ADD2: variants seen among roughly 807,000 people sequenced by gnomAD.
ADD2 encodes beta-adducin.
Under a neutral mutation model 83.0 loss-of-function variants are expected in ADD2, and 23 were observed. That is an observed-to-expected ratio of 0.28 (90% CI 0.20 to 0.39). The LOEUF (loss-of-function observed/expected upper bound fraction) is 0.39. ADD2 is among the 10% of genes least tolerant of loss of function. ADD2 has a pLI of 1.00. For missense variants in ADD2, 758 were observed against 944.9 expected, an observed-to-expected ratio of 0.80 and a Z score of 2.59; for synonymous variants, 375 against 375.4, an observed-to-expected ratio of 1.00 and a Z score of 0.01.
Position 70,706,097 on chromosome 2 carries a change from G to T in ADD2, c.183+129C>A. ...GGCCCCAGGTGACCAGATCCGTCTT[G>T]CTCAGTGGGCTTACATTTCTACTGA... is the stretch of plus-strand genomic sequence containing the variant. On this transcript the variant is annotated intron_variant, in intron 3 of 15. Coordinates refer to ENST00000264436, the MANE Select transcript of ADD2 (RefSeq NM_001617.4). This position sits in a 1 kb window ranked among gnomAD's most constrained non-coding sequence, Gnocchi z 5.0. 1 of 963,378 alleles carries T rather than the reference G, an allele frequency of 1.0e-6. No homozygotes were observed. Among genetic ancestry groups the T allele is most frequent in the Non-Finnish European group, 1.5e-6 (1 of 653,478 alleles). 59.7% of individuals were successfully genotyped at this position (963,378 alleles called of 1,614,324 possible).
Position 70,660,964 on chromosome 2 carries a change from T to G in ADD2, c.*2461A>C, listed in dbSNP as rs1285863680. On this transcript the variant is annotated 3_prime_UTR_variant, in exon 16 of 16. Coordinates refer to ENST00000264436, the MANE Select transcript of ADD2 (RefSeq NM_001617.4). ...AGGGCAGGAACTATGCCTATCCTCA[T>G]GCCTGGCCCTTGACCCAAGCTCAAT... The G allele has an allele frequency of 6.6e-6, 1 of 152,228 alleles. No homozygotes were observed. Among genetic ancestry groups the G allele is most frequent in the Non-Finnish European group, 1.5e-5 (1 of 68,048 alleles). 9.4% of individuals were successfully genotyped at this position (152,228 alleles called of 1,614,324 possible).
Position 70,660,075 on chromosome 2 carries a change from A to T in ADD2, c.*3350T>A, listed in dbSNP as rs1675488903. On this transcript the variant is annotated 3_prime_UTR_variant, in exon 16 of 16. Coordinates refer to ENST00000264436, the MANE Select transcript of ADD2 (RefSeq NM_001617.4). ...GCCAACTTTTATCCACAGCCAAAGA[A>T]AATGGCCTTTCCTTTCTAATAGCCT... 3 of 152,206 alleles carry T rather than the reference A, an allele frequency of 2.0e-5. No individual in the cohort carries two copies. The highest frequency in any genetic ancestry group is 4.4e-5 in the Non-Finnish European group (3 of 68,038). The allele number at this position is 152,206 out of a possible 1,614,324, so 9.4% of individuals were successfully genotyped here.
chr2:70,697,181 C>T (rs1285137335), intron 4 of ADD2, among the ~76,000 whole-genome samples: 1 of 152,226 alleles, frequency 6.6e-6, no homozygotes, highest in African/African-American at 2.4e-5. Context: ...CCAGATCAGC[C>T]TGAAAGTAAC....
chr2:70,709,102 G>A (rs1000142601), intron 2 of ADD2, among the ~76,000 whole-genome samples: 1 of 152,182 alleles, frequency 6.6e-6, no homozygotes, highest in African/African-American at 2.4e-5. Flanking sequence ...TTAACAGGCA[G>A]TGGGAGTGCT....
chr2:70,671,639 T>C (rs1669898879), intron 15 of ADD2, among the ~76,000 whole-genome samples: 2 of 152,140 alleles, frequency 1.3e-5, no homozygotes, highest in African/African-American at 2.4e-5. Flanking sequence ...AAGGAAGACA[T>C]TGTGGAGACA....
intron 2 of ADD2, among the ~76,000 whole-genome samples, chr2:70,707,847 T>C (rs1468849726): frequency 6.6e-6 from 1 of 152,230 alleles, no homozygotes; most frequent in Non-Finnish European, 1.5e-5. Context: ...CATGAGGAGA[T>C]GGAATGCTCT....
chr2:70,750,976 C>CA (rs1466834102), intron 1 of ADD2, among the ~76,000 whole-genome samples: 81 of 152,276 alleles, frequency 5.3e-4, no homozygotes, highest in Non-Finnish European at 4.3e-4. Flanking sequence ...TGCTTCCTGT[C>CA]ACGTTTCCTT....
chr2:70,726,436 C>G (rs1425833233), intron 1 of ADD2, among the ~76,000 whole-genome samples: 1 of 152,174 alleles, frequency 6.6e-6, no homozygotes, highest in Non-Finnish European at 1.5e-5. Context: ...CTCACCCAGG[C>G]AGTGCTAATG....
intron 15 of ADD2, among the ~76,000 whole-genome samples, chr2:70,669,174 C>T (rs1365128445): frequency 6.6e-6 from 1 of 152,180 alleles, no homozygotes; most frequent in Non-Finnish European, 1.5e-5. Context: ...CCATGGCCGA[C>T]CATTGAGCTG....
In ADD2 at chr2:70,717,482, G is replaced by A. The variant is rs552470893; in HGVS notation, c.-153-4298C>T. On this transcript the variant is annotated intron_variant, in intron 1 of 15. Transcript: ENST00000264436. ...GTCTCCAGACAGGAACAGACAGTCT[G>A]TGTGGCTCAGCACCCAGAGCTCAAA... Among the ~76,000 whole-genome samples, 16 of 152,280 alleles carry A rather than the reference G, an allele frequency of 1.1e-4. No individual in the cohort carries two copies. In the East Asian group the frequency reaches 3.1e-3, roughly 29 times the overall value.
intron 15 of ADD2, among the ~76,000 whole-genome samples, chr2:70,668,654 C>T (rs1669779056): frequency 6.6e-6 from 1 of 152,196 alleles, no homozygotes; most frequent in Admixed American, 6.5e-5. Context: ...ACAGAGGATG[C>T]CTTGTATCAG....
At position 70,663,220 on chromosome 2, in the gene ADD2, G is replaced by T. The variant is rs115570420; in HGVS notation, c.*205C>A. The T allele has an allele frequency of 6.4e-3, 3,749 of 588,502 alleles. 20 individuals are homozygous for T. The highest frequency in any genetic ancestry group is 8.8e-3 in the Non-Finnish European group (2,954 of 336,082). The allele number at this position is 588,502 out of a possible 1,614,324, so 36.5% of individuals were successfully genotyped here. On this transcript the variant is annotated 3_prime_UTR_variant, in exon 16 of 16. Coordinates refer to ENST00000264436, the MANE Select transcript of ADD2 (RefSeq NM_001617.4). ...CGAGTGCAGGCTCTGCCGCTAACTAGCTGTGTGACCTTGGGCAAGTCACCT... is the reference window on the plus strand; with the variant it reads ...CGAGTGCAGGCTCTGCCGCTAACTATCTGTGTGACCTTGGGCAAGTCACCT...
Position 70,663,327 on chromosome 2 carries a change from C to T in ADD2, c.*98G>A. 1 of 1,370,836 alleles carries T rather than the reference C, an allele frequency of 7.3e-7. No homozygotes were observed. The highest frequency in any genetic ancestry group is 1.4e-5 in the South Asian group (1 of 72,298). The allele number at this position is 1,370,836 out of a possible 1,614,324, so 84.9% of individuals were successfully genotyped here. A position where few individuals can be genotyped will look rare whatever the true frequency, so the allele number is the denominator to read the frequency against. ...CTTCCGAATGTGGTCCAGGGTCCTA[C>T]TCTATCCCTCCTTAGCCCTGTGCTT... is the stretch of plus-strand genomic sequence containing the variant. On this transcript the variant is annotated 3_prime_UTR_variant, in exon 16 of 16. Transcript: ENST00000264436.
rs782625567 is a variant in ADD2 at position 70,683,732 on chromosome 2, G to T, written c.984C>A (p.Asn328Lys). 1.2e-6 allele frequency: 2 copies of T among 1,614,054 alleles called. No individual in the cohort carries two copies. Among genetic ancestry groups the T allele is most frequent in the Non-Finnish European group, 1.7e-6 (2 of 1,179,962 alleles). ...SALSSAGGVENLILLEQEKHR... is the reference protein window; with the variant it reads ...SALSSAGGVEKLILLEQEKHR... Reference sequence around the variant, plus strand: ...GCTTCTCCTGCTCCAGGAGGATGAGGTTCTCCACTCCCCCGGCACTGGACA... The same window carrying T: ...GCTTCTCCTGCTCCAGGAGGATGAGTTTCTCCACTCCCCCGGCACTGGACA... The change falls in exon 10 of 16, where the codon AAC (asparagine) becomes AAA (lysine). Residue 328 changes from asparagine to lysine, a missense_variant. By Grantham distance (94) the Asn-to-Lys change is moderately conservative (BLOSUM62 0). Coordinates refer to ENST00000264436, the MANE Select transcript of ADD2 (RefSeq NM_001617.4).
intron 6 of ADD2, among the ~76,000 whole-genome samples, chr2:70,693,571 C>G (rs1199008872): frequency 6.6e-6 from 1 of 152,126 alleles, no homozygotes; most frequent in African/African-American, 2.4e-5. Flanking sequence ...ACAGAAGCAT[C>G]AGGAAGATGT....
chr2:70,755,476 T>C (rs782792741), intron 1 of ADD2, among the ~76,000 whole-genome samples: 57 of 152,236 alleles, frequency 3.7e-4, no homozygotes, highest in Non-Finnish European at 7.3e-4. Flanking sequence ...TGTTTGTTTT[T>C]ATGCTTAGTG....
At position 70,676,447 on chromosome 2, in the gene ADD2, T is replaced by C; in HGVS notation, c.1593+349A>G. 1 of 1,244,534 alleles carries C rather than the reference T, an allele frequency of 8.0e-7. No individual in the cohort carries two copies. Among genetic ancestry groups the C allele is most frequent in the Admixed American group, 3.7e-5 (1 of 26,696 alleles). The allele number at this position is 1,244,534 out of a possible 1,614,324, so 77.1% of individuals were successfully genotyped here. The stretch of plus-strand genomic sequence containing the variant: ...CAGGGCTGGGCACACCTGGGGCACC[T>C]GGGAGTCTCCAGCCCCAAGCCTATG... On this transcript the variant is annotated intron_variant, in intron 13 of 15. Transcript: ENST00000264436. This position sits in a 1 kb window ranked among gnomAD's most constrained non-coding sequence, Gnocchi z 4.8.
rs545048988 is a variant in ADD2, at chr2:70,721,203, C to G, written c.-153-8019G>C. ...TCACTGATTCTGTTGTTGACATTTT[C>G]CTTACATTCTCACAGTTTGTCAGTA... On this transcript the variant is annotated intron_variant, in intron 1 of 15. Transcript: ENST00000264436. Among the ~76,000 whole-genome samples, 3 of 152,322 alleles carry G rather than the reference C, an allele frequency of 2.0e-5. No homozygotes were observed. In the East Asian group the frequency reaches 5.8e-4, roughly 29 times the overall value.
intron 15 of ADD2, 42 bp from the exon 16 acceptor site, chr2:70,663,777 A>G: frequency 6.4e-7 from 1 of 1,573,200 alleles, no homozygotes. Context: ...GATTTCATTC[A>G]GGTGACAGCT....
Sources: gnomAD v4.1 joint callset for allele counts (sites outside exome capture counted in the v4.1 genomes callset) on GRCh38, gnomAD v4.1.1 for gene constraint, Gnocchi (gnomAD v3.1) non-coding constraint, MANE v1.5 for transcripts, NCBI Gene and HGNC (gene_info 2026-07-23, HGNC 2026-07-21) for gene names.